The following DUSP15 variants were observed in gnomAD, a reference collection of about 807,000 sequenced individuals.
DUSP15 encodes the protein dual specificity phosphatase 15, also known as dual specificity protein phosphatase 15.
Under a neutral mutation model 26.3 loss-of-function variants are expected in DUSP15, and 23 were observed. The ratio of observed to expected loss-of-function variants is 0.87; its 90% CI spans 0.63 to 1.24. The LOEUF (loss-of-function observed/expected upper bound fraction) is 1.24, where lower values mean the gene tolerates loss of function less well. Ranked by LOEUF, DUSP15 falls within the 50% of genes most tolerant of loss-of-function variation. The pLI is 0.00. For missense variants in DUSP15, 364 were observed against 320.6 expected (o/e 1.14, Z -1.03); for synonymous variants, 143 against 135.5 (o/e 1.06, Z -0.39).
At chr20:31,850,546 G>A in intron 7 of DUSP15, 1 of 1,504,496 alleles carries the variant, frequency 6.6e-7, no homozygotes, top group East Asian at 2.4e-5. Context: ...AGGTGGGCTG[G>A]CCCCACCCCG....
rs750340921 is a variant in DUSP15, at chr20:31,848,437, A to T, written c.855T>A (p.Pro285=). The stretch of plus-strand genomic sequence containing the variant: ...TACAAGAAGAGGAAGCGGCTCGCTT[A>T]GGATGGAGGCAGCTGCATTGAAGGT... The change falls in exon 10 of 10, where the codon CCT becomes CCA. Residue 285 remains proline, a synonymous_variant. Coordinates refer to the DUSP15 transcript ENST00000278979. 1.6e-5 allele frequency: 25 copies of T among 1,611,686 alleles called. No homozygotes were observed. In the African/African-American group the frequency reaches 3.1e-4, roughly 20 times the overall value.
chr20:31,848,681 G>A, intron 9 of DUSP15: 6 of 1,462,606 alleles, frequency 4.1e-6, no homozygotes, highest in Non-Finnish European at 5.5e-6. Flanking sequence ...TCCAGGTAGG[G>A]TCCTACAGAC....
In DUSP15 at chr20:31,849,758, GGCCCCAGCAGGCGCTCGGCGGCC is replaced by G. The variant is rs764015203; in HGVS notation, c.585_607del (p.Ala197ThrfsTer21). The G allele has an allele frequency of 6.5e-7, 1 of 1,540,000 alleles. No individual in the cohort carries two copies. Among genetic ancestry groups the G allele is most frequent in the Admixed American group, 1.9e-5 (1 of 51,474 alleles). On this transcript the variant is annotated frameshift_variant, in exon 8 of 10. Coordinates refer to the DUSP15 transcript ENST00000278979. LOFTEE classifies it high-confidence loss of function. Reference sequence around the variant, plus strand: ...CGAACCTGCTGCAACGTGAGGTGGCGGCCCCAGCAGGCGCTCGGCGGCCGCCCGCGGACTCAGACGACAGCGCT... The same window carrying G: ...CGAACCTGCTGCAACGTGAGGTGGCGGCCCGCGGACTCAGACGACAGCGCT...
rs1424351320 is a variant in DUSP15, at chr20:31,848,511, C to G, written c.781G>C (p.Glu261Gln). 4.4e-6 allele frequency: 7 copies of G among 1,608,740 alleles called. No homozygotes were observed. The East Asian group carries it at 1.3e-4, about 31-fold the overall frequency. ...GGGGTTGAGGACCCATCTGGGCGCT[C>G]GGTTGAGGCACTTAGAGTGCAGGAC... Residue 261 changes from glutamate to glutamine, a missense_variant, in exon 10 of 10, where the codon GAG becomes CAG. Transcript: ENST00000278979.
Position 31,864,833 on chromosome 20 carries a change from G to T in DUSP15, c.188+120C>A. 2.8e-6 allele frequency: 3 copies of T among 1,084,944 alleles called. No individual in the cohort carries two copies. The Admixed American group carries it at 5.8e-5, about 21-fold the overall frequency. The allele number at this position is 1,084,944 out of a possible 1,614,324, so 67.2% of individuals were successfully genotyped here. ...CAGAGTCAAACCTGGGACTGGTTGA[G>T]TTGAACACCTGTGATAGCTCTCTGG... is the stretch of plus-strand genomic sequence containing the variant. On this transcript the variant is annotated intron_variant, in intron 4 of 6. Coordinates refer to ENST00000339738, the MANE Select transcript of DUSP15 (RefSeq NM_080611.5).
intron 8 of DUSP15, chr20:31,849,555 G>C: frequency 9.9e-7 from 1 of 1,013,952 alleles, no homozygotes. Flanking sequence ...AGGAAGCCGC[G>C]TGTGTTCAGC....
chr20:31,848,693 C>G (rs912081648), intron 9 of DUSP15: 1 of 1,466,818 alleles, frequency 6.8e-7, no homozygotes. Context: ...CCTACAGACC[C>G]GAGGGTGCTA....
At chr20:31,867,631 G>GTTTTGTTT (rs2062797175) in intron 2 of DUSP15, among the ~76,000 whole-genome samples, 22 of 77,646 alleles carry the variant, frequency 2.8e-4, no homozygotes, top group African/African-American at 1.1e-3. Context: ...TGCCCACAAT[G>GTTTTGTTT]TTTTTTTTTT....
chr20:31,868,659 T>C (rs753181221), intron 2 of DUSP15, among the ~76,000 whole-genome samples: 3 of 152,100 alleles, frequency 2.0e-5, no homozygotes, highest in African/African-American at 7.2e-5. Flanking sequence ...TTTGTATTTT[T>C]AGTAGAGACG....
chr20:31,861,683 G>T lies in DUSP15; in HGVS notation c.436-8C>A. ...CTCCAGCTGCCGGCGAAGCTGGGGT[G>T]GGCGGGTGAGGTGGGCGGGGTCAAG... On this transcript the variant is annotated splice_polypyrimidine_tract_variant and splice_region_variant and intron_variant, in intron 6 of 6. Transcript: ENST00000339738. 1 of 1,450,558 alleles carries T rather than the reference G, an allele frequency of 6.9e-7. No homozygotes were observed. The highest frequency in any genetic ancestry group is 9.0e-7 in the Non-Finnish European group (1 of 1,111,056). 89.9% of individuals were successfully genotyped at this position (1,450,558 alleles called of 1,614,324 possible). A position where few individuals can be genotyped will look rare whatever the true frequency, so the allele number is the denominator to read the frequency against.
downstream of DUSP15, among the ~76,000 whole-genome samples, chr20:31,847,359 T>G (rs2062387630): frequency 1.3e-5 from 2 of 152,026 alleles, no homozygotes; most frequent in South Asian, 4.1e-4. Context: ...GAATGTGAAC[T>G]CCAAGAGAGT....
At chr20:31,850,257 T>G (rs865816257) in intron 7 of DUSP15, among the ~76,000 whole-genome samples, 1 of 152,196 alleles carries the variant, frequency 6.6e-6, no homozygotes, top group Non-Finnish European at 1.5e-5. Flanking sequence ...CCAGCAATCC[T>G]GCTCAGTGGT....
chr20:31,849,775 G>A (rs765546260), exon 8 of DUSP15: 22 of 1,539,786 alleles, frequency 1.4e-5, no homozygotes, highest in Non-Finnish European at 1.7e-5. Context: ...GCAGGCGCTC[G>A]GCGGCCGCCC....
At chr20:31,869,489 C>T in intron 2 of DUSP15, 75 bp downstream of exon 2, 1 of 1,562,550 alleles carries the variant, frequency 6.4e-7, no homozygotes, top group South Asian at 1.2e-5. Flanking sequence ...ATGCATGGGC[C>T]AGGGCATGAA....
chr20:31,852,008 CTT>C (rs59714323), intron 6 of DUSP15, among the ~76,000 whole-genome samples: 241 of 127,880 alleles, frequency 1.9e-3, no homozygotes, highest in Middle Eastern at 4.3e-3. Flanking sequence ...TTCTTTCTTT[CTT>C]TTTTTTTTTT....
At chr20:31,867,638 T>TG (rs1555795801) in intron 2 of DUSP15, among the ~76,000 whole-genome samples, 1 of 40,786 alleles carries the variant, frequency 2.5e-5, no homozygotes, top group Admixed American at 2.2e-4. Flanking sequence ...AATGTTTTTT[T>TG]TTTTTTTTTT....
At chr20:31,848,549 C>T (rs1600426882) in exon 10 of DUSP15, 2 of 1,577,338 alleles carry the variant, frequency 1.3e-6, no homozygotes, top group Non-Finnish European at 1.7e-6. Flanking sequence ...GCTCCCAGGC[C>T]GAAGCTGCAC....
At chr20:31,855,944 A>G (rs2062554087) in intron 6 of DUSP15, among the ~76,000 whole-genome samples, 1 of 152,198 alleles carries the variant, frequency 6.6e-6, no homozygotes, top group Non-Finnish European at 1.5e-5. Flanking sequence ...TTTTAAAAAA[A>G]AATTTTTATT....
At chr20:31,869,034 C>A (rs1250547901) in intron 2 of DUSP15, among the ~76,000 whole-genome samples, 1 of 152,182 alleles carries the variant, frequency 6.6e-6, no homozygotes. Context: ...TGTTGGTGCT[C>A]ATGACCCTGC....
Sources: gnomAD v4.1 joint callset for allele counts (sites outside exome capture counted in the v4.1 genomes callset) on GRCh38, gnomAD v4.1.1 for gene constraint, MANE v1.5 for transcripts, NCBI Gene and HGNC (gene_info 2026-07-23, HGNC 2026-07-21) for gene names.